The following SV2C variants were observed in gnomAD, a reference collection of about 807,000 sequenced individuals.
SV2C encodes the protein synaptic vesicle glycoprotein 2C, also known as solute carrier family 22 member B3.
In SV2C, 49 loss-of-function variants were observed where a neutral mutation model predicts 79.7. That is an observed-to-expected ratio of 0.61 (90% confidence interval 0.49 to 0.78). The LOEUF is 0.78. Ranked by LOEUF, SV2C falls within the 30% of genes least tolerant of loss-of-function variation. The pLI is 0.00. For synonymous variants in SV2C, 334 were observed against 333.2 expected (o/e 1.00, Z -0.03); for missense variants, 833 against 912.9 (o/e 0.91, Z 1.13).
At chr5:76,228,986 C>G (rs1436255318) in intron 4 of SV2C, among the ~76,000 whole-genome samples, 2 of 152,238 alleles carry the variant, frequency 1.3e-5, no homozygotes, top group Non-Finnish European at 2.9e-5. Context: ...CAGGTACTCA[C>G]TGTGGCCCAT....
In SV2C at chr5:76,264,487, T is replaced by C. The variant is rs547617661; in HGVS notation, c.914-20675T>C. 7.2e-5 allele frequency among the ~76,000 whole-genome samples: 11 copies of C among 152,246 alleles called. No homozygotes were observed. In the East Asian group the frequency reaches 1.2e-3, roughly 16 times the overall value. ...GTTTTGTGCCCTTGCTGGAGAGAAG[T>C]TGCGATCATTTGAAGGATAAGAGGC... On this transcript the variant is annotated intron_variant, in intron 4 of 12. Transcript: ENST00000502798.
chr5:76,092,846 T>C (rs1747425393), intron 1 of SV2C, among the ~76,000 whole-genome samples: 2 of 152,102 alleles, frequency 1.3e-5, no homozygotes, highest in Non-Finnish European at 2.9e-5. Flanking sequence ...AAGGTCCCTT[T>C]TCATGACACT....
intron 1 of SV2C, among the ~76,000 whole-genome samples, chr5:76,092,535 G>C (rs1747411811): frequency 6.6e-6 from 1 of 152,138 alleles, no homozygotes; most frequent in Non-Finnish European, 1.5e-5. Context: ...GCTGCTCATT[G>C]CTGACTTAGG....
At chr5:75,927,268 A>G in the SV2C span, among the ~76,000 whole-genome samples, 1 of 152,154 alleles carries the variant, frequency 6.6e-6, no homozygotes, top group African/African-American at 2.4e-5. Context: ...AGATGAATGG[A>G]TACAGAAAGT....
In SV2C at chr5:76,190,148, G is replaced by C. The variant is rs17747182; in HGVS notation, c.581-4771G>C. On this transcript the variant is annotated intron_variant, in intron 2 of 12. Coordinates refer to ENST00000502798, the MANE Select transcript of SV2C (RefSeq NM_014979.4). ...GGTTACTTTATTGGGTTGGTGAAAT[G>C]AAAACTGGCCAACTGATGTTAAAGG... 2.2e-3 allele frequency among the ~76,000 whole-genome samples: 330 copies of C among 152,286 alleles called. 14 individuals carry two copies. In the East Asian group the frequency reaches 0.06, roughly 28 times the overall value.
the SV2C span, among the ~76,000 whole-genome samples, chr5:75,903,148 T>C: frequency 6.6e-6 from 1 of 152,186 alleles, no homozygotes; most frequent in Admixed American, 6.5e-5. Flanking sequence ...TTGTCTCTCT[T>C]ATTCCAGGGT....
intron 4 of SV2C, among the ~76,000 whole-genome samples, chr5:76,220,241 C>G (rs970861984): frequency 3.3e-5 from 5 of 152,176 alleles, no homozygotes; most frequent in Non-Finnish European, 7.3e-5. Flanking sequence ...CATCTAGTGA[C>G]AGGGCTAGTA....
chr5:76,305,009 A>G (rs1748135921), intron 12 of SV2C, among the ~76,000 whole-genome samples: 1 of 152,308 alleles, frequency 6.6e-6, no homozygotes, highest in African/African-American at 2.4e-5. Flanking sequence ...GCTTCCAATC[A>G]TGGCAGAAGG....
intron 2 of SV2C, among the ~76,000 whole-genome samples, chr5:76,137,095 G>A (rs1051786404): frequency 1.4e-4 from 21 of 152,244 alleles, no homozygotes; most frequent in Non-Finnish European, 4.4e-5. Flanking sequence ...TCTGTGCCTC[G>A]GTTTTCATAG....
At chr5:75,881,968 T>A in the SV2C span, among the ~76,000 whole-genome samples, 1 of 148,304 alleles carries the variant, frequency 6.7e-6, no homozygotes, top group Non-Finnish European at 1.5e-5. Context: ...TTGAAATACG[T>A]CCCATCAATA....
At chr5:76,346,449 T>C (rs1455544609) in intron 12 of SV2C, among the ~76,000 whole-genome samples, 1 of 152,160 alleles carries the variant, frequency 6.6e-6, no homozygotes, top group East Asian at 1.9e-4. Flanking sequence ...CTGGCTTGAG[T>C]CTAAGCTCTA....
chr5:76,132,430 A>AT, intron 2 of SV2C, 100 bp downstream of exon 2: 1 of 1,206,544 alleles, frequency 8.3e-7, no homozygotes, highest in South Asian at 1.9e-5. Flanking sequence ...AGAGTACTGC[A>AT]TTTTTTCTAA....
intron 1 of SV2C, among the ~76,000 whole-genome samples, chr5:76,122,221 G>C (rs1419020215): frequency 6.6e-6 from 1 of 151,470 alleles, no homozygotes; most frequent in African/African-American, 2.5e-5. Flanking sequence ...CATTGATTTT[G>C]TATCCTGAGA....
intron 4 of SV2C, among the ~76,000 whole-genome samples, chr5:76,276,123 G>A (rs1030717960): frequency 2.6e-5 from 4 of 152,152 alleles, no homozygotes; most frequent in African/African-American, 9.7e-5. Context: ...TGTAGGCTTT[G>A]TGTAGCTCTC....
the SV2C span, among the ~76,000 whole-genome samples, chr5:75,914,500 G>A: frequency 9.4e-4 from 143 of 152,282 alleles, no homozygotes; most frequent in South Asian, 0.011. Context: ...ATGGCCTCCT[G>A]ATGTGGAGAA....
chr5:76,150,626 CTTTTTTTTTT>C (rs57910684), intron 2 of SV2C, among the ~76,000 whole-genome samples: 5 of 56,492 alleles, frequency 8.9e-5, no homozygotes, highest in Admixed American at 3.1e-4. Flanking sequence ...TCATCAAATT[CTTTTTTTTTT>C]TTTTTTTTTT....
the SV2C span, among the ~76,000 whole-genome samples, chr5:75,878,310 T>A: frequency 2.0e-5 from 3 of 152,168 alleles, no homozygotes; most frequent in Non-Finnish European, 4.4e-5. Flanking sequence ...TAAGTTCTAG[T>A]CCTATATCCA....
chr5:76,106,714 T>C (rs546127544), intron 1 of SV2C, among the ~76,000 whole-genome samples: 55 of 152,318 alleles, frequency 3.6e-4, no homozygotes, highest in South Asian at 2.7e-3. Flanking sequence ...CTTCTTTAAG[T>C]CATTGCCTGA....
the SV2C span, among the ~76,000 whole-genome samples, chr5:75,929,701 A>G: frequency 6.6e-6 from 1 of 152,186 alleles, no homozygotes; most frequent in African/African-American, 2.4e-5. Context: ...AAATAACAAT[A>G]ATTTATTGTT....
Sources: gnomAD v4.1 joint callset for allele counts (sites outside exome capture counted in the v4.1 genomes callset) on GRCh38, gnomAD v4.1.1 for gene constraint, MANE v1.5 for transcripts, NCBI Gene and HGNC (gene_info 2026-07-23, HGNC 2026-07-21) for gene names.